The following CYP26C1 variants were observed in gnomAD, a reference collection of about 807,000 sequenced individuals.
CYP26C1 encodes cytochrome P450 family 26 subfamily C member 1.
In CYP26C1, 41 loss-of-function variants were observed where a neutral mutation model predicts 39.1. The observed-to-expected ratio is 1.05, with a 90% CI of 0.82 to 1.36. The LOEUF is 1.36. CYP26C1 is among the 40% of genes most tolerant of loss of function. CYP26C1 has a pLI of 0.00. For missense variants in CYP26C1, 833 were observed against 752.0 expected, an observed-to-expected ratio of 1.11 and a Z score of -1.26; for synonymous variants, 362 against 350.8, an observed-to-expected ratio of 1.03 and a Z score of -0.36.
At chr10:93,065,846 C>A in intron 4 of CYP26C1, 110 bp from the exon 5 acceptor site, 1 of 1,099,292 alleles carries the variant, frequency 9.1e-7, no homozygotes, top group Non-Finnish European at 1.2e-6. Flanking sequence ...TGCCCCCTGG[C>A]TTTTCGCAAT....
At chr10:93,068,177 A>T in intron 5 of CYP26C1, 143 bp from the exon 6 acceptor site, 1 of 1,015,114 alleles carries the variant, frequency 9.9e-7, no homozygotes, top group Non-Finnish European at 1.4e-6. Flanking sequence ...TGGAACACAG[A>T]GCTTTCTCCT....
chr10:93,065,687 G>T (rs1846815523), intron 4 of CYP26C1, among the ~76,000 whole-genome samples: 1 of 152,238 alleles, frequency 6.6e-6, no homozygotes, highest in Admixed American at 6.5e-5. Flanking sequence ...CTTAGAGTAA[G>T]TTCCCGCATT....
Position 93,064,399 on chromosome 10 carries a change from C to A in CYP26C1, c.724C>A (p.Gln242Lys). The A allele has an allele frequency of 6.2e-7, 1 of 1,613,942 alleles. No individual in the cohort carries two copies. Among genetic ancestry groups the A allele is most frequent in the Non-Finnish European group, 8.5e-7 (1 of 1,179,934 alleles). Residue 242 changes from glutamine to lysine, a missense_variant, in exon 4 of 6, where the codon CAG becomes AAG. By Grantham distance (53) the Gln-to-Lys change is moderately conservative. Transcript: ENST00000651965. ...GLRKGIRARD[Q>K]LHRHLEGAIS... ...ACATCAGGGCATCCGGGCAAGGGAC[C>A]AGCTGCATCGGCACCTGGAGGGGGC... is the stretch of plus-strand genomic sequence containing the variant.
chr10:93,063,598 T>A (rs948853988), intron 3 of CYP26C1: 1 of 985,462 alleles, frequency 1.0e-6, no homozygotes, highest in Non-Finnish European at 1.2e-6. Context: ...ATTCTGGGAC[T>A]TCCCACTGTT....
Position 93,062,899 on chromosome 10 carries a change from C to A in CYP26C1, c.609C>A (p.Asp203Glu), listed in dbSNP as rs199519449. 6.2e-7 allele frequency: 1 copy of A among 1,605,008 alleles called. No individual in the cohort carries two copies. The highest frequency in any genetic ancestry group is 1.1e-5 in the South Asian group (1 of 90,736). ...GCATCCTGCTGGGGTTGCGGCTGGA[C>A]GAGGCGCAGTGCGCCACGCTGGCCC... Reference protein sequence around the residue: ...AARILLGLRLDEAQCATLART... With the variant: ...AARILLGLRLEEAQCATLART... Residue 203 changes from aspartate (D) to glutamate (E), a missense_variant, in exon 3 of 6, where the codon GAC becomes GAA. Asp to Glu is a conservative substitution (Grantham distance 45). Transcript: ENST00000651965.
Position 93,062,916 on chromosome 10 carries a change from C to T in CYP26C1, c.626C>T (p.Thr209Met). Residue 209 changes from threonine to methionine, a missense_variant, in exon 3 of 6, where the codon ACG becomes ATG. Transcript: ENST00000651965. ...CGGCTGGACGAGGCGCAGTGCGCCA[C>T]GCTGGCCCGGACCTTCGAGCAGCTC... is the stretch of plus-strand genomic sequence containing the variant. ...GLRLDEAQCA[T>M]LARTFEQLVE... is the part of the protein sequence containing the mutation. 6.2e-7 allele frequency: 1 copy of T among 1,605,826 alleles called. No individual in the cohort carries two copies. The highest frequency in any genetic ancestry group is 8.5e-7 in the Non-Finnish European group (1 of 1,178,848).
chr10:93,068,615 C>A lies in CYP26C1; in HGVS notation c.1487C>A (p.Pro496His), dbSNP rs760060062. Residue 496 changes from proline to histidine, a missense_variant, in exon 6 of 6, where the codon CCC becomes CAC. Pro to His is a moderately conservative substitution (Grantham distance 77, BLOSUM62 -2). Coordinates refer to ENST00000651965, the MANE Select transcript of CYP26C1 (RefSeq NM_183374.3). ...GCCTTCCCCGCCATGCAGACGGTGC[C>A]CATCGTGCACCCAGTGGACGGGCTG... The part of the protein sequence containing the change: ...TPAFPAMQTV[P>H]IVHPVDGLRL... The A allele has an allele frequency of 6.2e-7, 1 of 1,600,566 alleles. No individual in the cohort carries two copies. The highest frequency in any genetic ancestry group is 8.5e-7 in the Non-Finnish European group (1 of 1,174,238).
rs149498554 is a variant in CYP26C1 at position 93,064,438 on chromosome 10, C to T, written c.763C>T (p.Leu255Phe). ...CCTGGAGGGGGCCATTTCTGAGAAG[C>T]TTCACGAGGACAAGGCTGCAGAGCC... ...RHLEGAISEK[L>F]HEDKAAEPGD... Residue 255 changes from leucine to phenylalanine, a missense_variant, in exon 4 of 6, where the codon CTT becomes TTT. By Grantham distance (22) the Leu-to-Phe change is conservative. Transcript: ENST00000651965. 2 of 1,614,028 alleles carry T rather than the reference C, an allele frequency of 1.2e-6. No individual in the cohort carries two copies. The highest frequency in any genetic ancestry group is 1.1e-5 in the South Asian group (1 of 91,090).
At chr10:93,063,189 C>T in intron 3 of CYP26C1, 194 bp downstream of exon 3, 3 of 1,342,540 alleles carry the variant, frequency 2.2e-6, no homozygotes, top group Non-Finnish European at 2.8e-6. Flanking sequence ...TGTGCTGGTT[C>T]GCTGGTGTGA....
rs572375816 is a variant in CYP26C1 at position 93,062,991 on chromosome 10, G to T, written c.701G>T (p.Arg234Leu). The change falls in exon 3 of 6, where the codon CGC becomes CTC. Residue 234 changes from arginine to leucine, a missense_variant. Coordinates refer to ENST00000651965, the MANE Select transcript of CYP26C1 (RefSeq NM_183374.3). ...LPLDVPFSGL[R>L]KGIRARDQLH... ...CTGGACGTTCCCTTCAGTGGCCTAC[G>T]CAAGGTACGGCCGCCCCGGCTCCAG... 5.8e-6 allele frequency: 9 copies of T among 1,562,216 alleles called. No homozygotes were observed. The South Asian group carries it at 1.0e-4, about 18-fold the overall frequency.
chr10:93,065,596 A>G (rs1374721715), intron 4 of CYP26C1, among the ~76,000 whole-genome samples: 2 of 152,196 alleles, frequency 1.3e-5, no homozygotes, highest in African/African-American at 4.8e-5. Flanking sequence ...TCAACTCCAT[A>G]AAACAAGAGC....
intron 3 of CYP26C1, chr10:93,063,973 T>C (rs1846783271): frequency 9.9e-7 from 1 of 1,005,560 alleles, no homozygotes; most frequent in Non-Finnish European, 1.2e-6. Flanking sequence ...AGTCAGAGCT[T>C]TGCTGGGTGC....
rs772184784 is a variant in CYP26C1 at position 93,062,809 on chromosome 10, C to A, written c.519C>A (p.Cys173Ter). The A allele has an allele frequency of 1.3e-6, 2 of 1,553,888 alleles. No homozygotes were observed. Among genetic ancestry groups the A allele is most frequent in the Non-Finnish European group, 1.7e-6 (2 of 1,156,488 alleles). Residue 173 changes from cysteine (C) to a stop codon, truncating the protein, a stop_gained, in exon 3 of 6, where the codon TGC becomes TGA. Coordinates refer to ENST00000651965, the MANE Select transcript of CYP26C1 (RefSeq NM_183374.3). LOFTEE classifies it high-confidence loss of function. ...GALRHEVRSWCAAGGPVSVYD... is the reference protein window; with the variant it reads ...GALRHEVRSW Reference sequence around the variant, plus strand: ...TGCGGCATGAGGTGCGCTCCTGGTGCGCGGCGGGCGGGCCGGTCTCAGTCT... The same window carrying A: ...TGCGGCATGAGGTGCGCTCCTGGTGAGCGGCGGGCGGGCCGGTCTCAGTCT...
Position 93,061,707 on chromosome 10 carries a change from G to C in CYP26C1, c.204+240G>C, listed in dbSNP as rs1181895662. Among the ~76,000 whole-genome samples the C allele has an allele frequency of 6.6e-5, 10 of 152,154 alleles. 1 individual carries two copies. The highest frequency in any genetic ancestry group is 2.1e-4 in the South Asian group (1 of 4,826). On this transcript the variant is annotated intron_variant, in intron 1 of 5. Transcript: ENST00000651965. ...GACACAACGCAGGGGGTAAACATAA[G>C]GGGTTTTAGGAAGGGGTCTGAGGAG... is the stretch of plus-strand genomic sequence containing the variant.
Position 93,068,599 on chromosome 10 carries a change from G to A in CYP26C1, c.1471G>A (p.Ala491Thr), listed in dbSNP as rs565717716. 1.9e-6 allele frequency: 3 copies of A among 1,598,752 alleles called. No individual in the cohort carries two copies. Among genetic ancestry groups the A allele is most frequent in the Non-Finnish European group, 2.6e-6 (3 of 1,173,540 alleles). ...GGAACTGGCCACACCCGCCTTCCCC[G>A]CCATGCAGACGGTGCCCATCGTGCA... Reference protein sequence around the residue: ...RWELATPAFPAMQTVPIVHPV... With the variant: ...RWELATPAFPTMQTVPIVHPV... Residue 491 changes from alanine to threonine, a missense_variant, in exon 6 of 6, where the codon GCC becomes ACC. By Grantham distance (58) the Ala-to-Thr change is moderately conservative. Coordinates refer to ENST00000651965, the MANE Select transcript of CYP26C1 (RefSeq NM_183374.3).
chr10:93,064,598 A>T, intron 4 of CYP26C1, 62 bp downstream of exon 4: 1 of 1,554,640 alleles, frequency 6.4e-7, no homozygotes, highest in Non-Finnish European at 8.7e-7. Context: ...CCCTACACCA[A>T]TGCTGCATCC....
chr10:93,061,551 T>C (rs1422815114), intron 1 of CYP26C1, 84 bp downstream of exon 1: 3 of 1,488,082 alleles, frequency 2.0e-6, no homozygotes, highest in African/African-American at 2.8e-5. Context: ...TCAATGCCCA[T>C]GGGATTTGTA....
rs371261062 is a variant in CYP26C1 at position 93,061,471 on chromosome 10, A to T, written c.204+4A>T. ...AACGCTGCACTGGTTAGTTCAGGTG[A>T]GCAGTCCTTCGACCCCGAGCGCTAA... is the stretch of plus-strand genomic sequence containing the variant. On this transcript the variant is annotated splice_donor_region_variant and intron_variant, in intron 1 of 5. Transcript: ENST00000651965. The T allele has an allele frequency of 1.9e-6, 3 of 1,549,488 alleles. No homozygotes were observed. Among genetic ancestry groups the T allele is most frequent in the African/African-American group, 2.7e-5 (2 of 73,038 alleles).
chr10:93,066,131 AG>A lies in CYP26C1; in HGVS notation c.1041del (p.Pro349ArgfsTer59). ...GCAPGAAGGSEGPPPDCGCEP... is the reference protein window; with the variant it reads ...GCAPGAAGGSXGPPPDCGCEP... ...GCGCCCGGGGCCGCTGGGGGCAGCG[AG>A]GGGCCCCCGCCCGACTGCGGCTGCG... is the stretch of plus-strand genomic sequence containing the variant. On this transcript the variant is annotated frameshift_variant, in exon 5 of 6. Transcript: ENST00000651965. LOFTEE classifies it high-confidence loss of function. 3.0e-6 allele frequency: 4 copies of A among 1,339,796 alleles called. No homozygotes were observed. The highest frequency in any genetic ancestry group is 1.5e-5 in the African/African-American group (1 of 66,100). The allele number at this position is 1,339,796 out of a possible 1,614,324, so 83.0% of individuals were successfully genotyped here. A position where few individuals can be genotyped will look rare whatever the true frequency, so the allele number is the denominator to read the frequency against.
Sources: allele counts gnomAD v4.1 joint callset (sites outside exome capture counted in the v4.1 genomes callset), GRCh38; gene constraint gnomAD v4.1.1; transcripts MANE v1.5; gene names NCBI Gene and HGNC (gene_info 2026-07-23, HGNC 2026-07-21).